The following CCNT2 variants were observed in gnomAD, a reference collection of about 807,000 sequenced individuals.
CCNT2 encodes cyclin-T2.
CCNT2 carries 18 observed loss-of-function variants against 70.0 expected under a neutral mutation model. The ratio of observed to expected loss-of-function variants is 0.26; its 90% CI spans 0.18 to 0.38. CCNT2 has a LOEUF of 0.38. Among genes scored for constraint, CCNT2 ranks in the 10% least tolerant of loss-of-function variants. The probability of loss-of-function intolerance (pLI) is 1.00; values close to 1 mark genes in which losing one functional copy is unlikely to be tolerated. For synonymous variants in CCNT2, 334 were observed against 313.3 expected (o/e 1.07, Z -0.70); for missense variants, 734 against 890.2 (o/e 0.82, Z 2.23).
At position 134,953,163 on chromosome 2, in the gene CCNT2, T is replaced by G. The variant is rs969553136; in HGVS notation, c.775-67T>G. ...TAATGTTTTTAATATATAACTTTTA[T>G]AAGACAAGAAATTTGCATTAAATTA... On this transcript the variant is annotated intron_variant, in intron 8 of 8. Coordinates refer to ENST00000264157, the MANE Select transcript of CCNT2 (RefSeq NM_058241.3). 7 of 1,134,624 alleles carry G rather than the reference T, an allele frequency of 6.2e-6. No homozygotes were observed. In the African/African-American group the frequency reaches 9.5e-5, roughly 15 times the overall value. The allele number at this position is 1,134,624 out of a possible 1,614,324, so 70.3% of individuals were successfully genotyped here.
intron 2 of CCNT2, among the ~76,000 whole-genome samples, chr2:134,923,230 G>A (rs1471746683): frequency 6.6e-6 from 1 of 152,074 alleles, no homozygotes; most frequent in Non-Finnish European, 1.5e-5. Context: ...GCAGTGAGCC[G>A]AGATCACATC....
At position 134,953,233 on chromosome 2, in the gene CCNT2, A is replaced by G. The variant is rs865829499; in HGVS notation, c.778A>G (p.Asn260Asp). Residue 260 changes from asparagine (N) to aspartate (D), a missense_variant, in exon 9 of 9, where the codon AAT becomes GAT. Asn to Asp is a conservative substitution (Grantham distance 23). This residue lies in a region of CCNT2 where 161 missense variants were observed against 303.8 expected (regional missense o/e 0.53). Transcript: ENST00000264157. The part of the protein sequence containing the change: ...RLKKIRNWRA[N>D]QAARKPKVDG... ...CTTCTGTGTTTTATTTTAATAGGCT[A>G]ATCAGGCAGCTAGGAAACCAAAAGT... 1 of 1,603,474 alleles carries G rather than the reference A, an allele frequency of 6.2e-7. No homozygotes were observed.
intron 4 of CCNT2, among the ~76,000 whole-genome samples, chr2:134,940,150 C>G (rs569389408): frequency 6.6e-6 from 1 of 152,068 alleles, no homozygotes; most frequent in Non-Finnish European, 1.5e-5. Context: ...AATAGAAGTG[C>G]GATAAATCAG....
chr2:134,939,479 T>C (rs1681407973), intron 4 of CCNT2, among the ~76,000 whole-genome samples: 1 of 152,120 alleles, frequency 6.6e-6, no homozygotes, highest in Non-Finnish European at 1.5e-5. Context: ...TATTTATTTA[T>C]TTTTAAGACG....
intron 4 of CCNT2, among the ~76,000 whole-genome samples, chr2:134,940,542 G>A (rs1022439187): frequency 1.3e-5 from 2 of 152,074 alleles, no homozygotes; most frequent in Non-Finnish European, 2.9e-5. Flanking sequence ...AAATGTAAAG[G>A]TACATAAAAT....
Position 134,954,836 on chromosome 2 carries a change from G to T in CCNT2, c.*188G>T. 1.7e-6 allele frequency: 1 copy of T among 571,964 alleles called. No homozygotes were observed. The highest frequency in any genetic ancestry group is 3.1e-6 in the Non-Finnish European group (1 of 321,084). 35.4% of individuals were successfully genotyped at this position (571,964 alleles called of 1,614,324 possible). ...TAAACAAGTCTTTATCTCCACATAT[G>T]ATAGTGTTATAAATACTGTAAAAGC... On this transcript the variant is annotated 3_prime_UTR_variant, in exon 9 of 9. Coordinates refer to ENST00000264157, the MANE Select transcript of CCNT2 (RefSeq NM_058241.3).
chr2:134,950,869 C>CT (rs1452727001), intron 7 of CCNT2, among the ~76,000 whole-genome samples: 1 of 152,030 alleles, frequency 6.6e-6, no homozygotes, highest in African/African-American at 2.4e-5. Context: ...TGTTGTTCTG[C>CT]TATAAAATTT....
intron 3 of CCNT2, 142 bp downstream of exon 3, chr2:134,937,111 G>A: frequency 1.9e-6 from 1 of 540,482 alleles, no homozygotes; most frequent in South Asian, 2.6e-5. Flanking sequence ...GCAATGCCAG[G>A]AAGCAGTCTG....
chr2:134,929,653 CTT>C (rs201467959), intron 2 of CCNT2, among the ~76,000 whole-genome samples: 1,473 of 122,598 alleles, frequency 0.012, 29 homozygotes, highest in African/African-American at 0.041. Context: ...AAATAGATGC[CTT>C]TTTTTTTTTT....
intron 2 of CCNT2, among the ~76,000 whole-genome samples, chr2:134,928,270 A>ATTTTTTTTTTTTTTTTTTTTTTTTT (rs1680442850): frequency 3.8e-5 from 3 of 77,988 alleles, no homozygotes; most frequent in Admixed American, 1.6e-4. Flanking sequence ...CTCACATTGT[A>ATTTTTTTTTTTTTTTTTTTTTTTTT]TTTCTTTTTT....
chr2:134,939,269 C>G (rs945540372), intron 4 of CCNT2, among the ~76,000 whole-genome samples: 8 of 151,768 alleles, frequency 5.3e-5, no homozygotes, highest in African/African-American at 1.9e-4. Context: ...GTAAACGTAC[C>G]CTTCAGTATG....
intron 2 of CCNT2, among the ~76,000 whole-genome samples, chr2:134,927,905 C>A (rs1280347986): frequency 6.6e-6 from 1 of 152,136 alleles, no homozygotes; most frequent in Admixed American, 6.5e-5. Flanking sequence ...ATTACATACT[C>A]TTTATATGGC....
intron 5 of CCNT2, 48 bp downstream of exon 5, chr2:134,942,722 A>G (rs1681665780): frequency 6.6e-7 from 1 of 1,507,900 alleles, no homozygotes; most frequent in East Asian, 2.3e-5. Context: ...GCTTTTTATT[A>G]TCTGTAATTG....
intron 4 of CCNT2, among the ~76,000 whole-genome samples, chr2:134,940,497 G>A (rs1344467589): frequency 6.6e-6 from 1 of 152,062 alleles, no homozygotes; most frequent in Admixed American, 6.6e-5. Context: ...ACAATATGTG[G>A]CTCTATTCGC....
chr2:134,923,967 A>T (rs767417589), intron 2 of CCNT2, among the ~76,000 whole-genome samples: 1 of 152,246 alleles, frequency 6.6e-6, no homozygotes, highest in South Asian at 2.1e-4. Flanking sequence ...ACTAAATCCA[A>T]TGAGGTCCTC....
chr2:134,944,328 T>A, intron 5 of CCNT2: 1 of 973,322 alleles, frequency 1.0e-6, no homozygotes, highest in Non-Finnish European at 1.2e-6. Flanking sequence ...ATTAAGAGCC[T>A]ATTGAAGAAA....
chr2:134,934,089 A>G (rs4344970), intron 2 of CCNT2, among the ~76,000 whole-genome samples: 53,103 of 152,112 alleles, frequency 0.35, 10,089 homozygotes, highest in Middle Eastern at 0.67. Context: ...TATTTGTCTC[A>G]TTTTGAGAAT....
At chr2:134,934,270 G>C (rs2105042585) in intron 2 of CCNT2, among the ~76,000 whole-genome samples, 1 of 152,268 alleles carries the variant, frequency 6.6e-6, no homozygotes, top group Admixed American at 6.5e-5. Flanking sequence ...AATAGTGCAT[G>C]GTCCCTGTCC....
chr2:134,943,715 C>A, intron 5 of CCNT2: 1 of 985,080 alleles, frequency 1.0e-6, no homozygotes, highest in Non-Finnish European at 1.2e-6. Flanking sequence ...ATTTTTTACA[C>A]AGTTGCATGT....
Sources: allele counts gnomAD v4.1 joint callset (sites outside exome capture counted in the v4.1 genomes callset), GRCh38; gene constraint gnomAD v4.1.1; regional missense constraint gnomAD v4.1.1; transcripts MANE v1.5; gene names NCBI Gene and HGNC (gene_info 2026-07-23, HGNC 2026-07-21).